Variants in WWOX observed in about 807,000 individuals in gnomAD.
The protein encoded by WWOX is WW domain-containing oxidoreductase.
A neutral mutation model predicts 46.2 loss-of-function variants in WWOX; 69 were observed. That is an observed-to-expected ratio of 1.49 (90% CI 1.23 to 1.82). The LOEUF is 1.82. WWOX is among the 40% of genes most tolerant of loss of function. The probability of loss-of-function intolerance (pLI) is 0.00; values close to 1 mark genes in which losing one functional copy is unlikely to be tolerated. For missense variants in WWOX, 919 were observed against 542.6 expected (o/e 1.69, Z -6.89); for synonymous variants, 359 against 202.6 (o/e 1.77, Z -6.56).
chr16:78,887,650 A>G (rs894221835), intron 8 of WWOX, among the ~76,000 whole-genome samples: 11 of 152,188 alleles, frequency 7.2e-5, no homozygotes, highest in Admixed American at 3.3e-4. Flanking sequence ...GATAAGATAT[A>G]TGTGGATTCC....
intron 8 of WWOX, among the ~76,000 whole-genome samples, chr16:79,019,786 T>G (rs1450841432): frequency 6.6e-6 from 1 of 152,166 alleles, no homozygotes; most frequent in Non-Finnish European, 1.5e-5. Context: ...TTGAGTTTAA[T>G]TTCTGCATCA....
At chr16:78,109,561 TCAAAA>T (rs1000523148) in intron 2 of WWOX, among the ~76,000 whole-genome samples, 13 of 152,156 alleles carry the variant, frequency 8.5e-5, no homozygotes, top group African/African-American at 2.9e-4. Flanking sequence ...TAGGTTTTCT[TCAAAA>T]CAAGAGGCAA....
At chr16:78,175,229 G>C (rs968267285) in intron 5 of WWOX, among the ~76,000 whole-genome samples, 1 of 152,008 alleles carries the variant, frequency 6.6e-6, no homozygotes, top group Non-Finnish European at 1.5e-5. Context: ...GTGTTCCTAG[G>C]GGGGTTCATC....
intron 8 of WWOX, among the ~76,000 whole-genome samples, chr16:78,603,555 G>A (rs1011008575): frequency 5.3e-5 from 8 of 152,074 alleles, no homozygotes; most frequent in East Asian, 1.9e-4. Context: ...TTAGCTGGGC[G>A]TGGTGGCAGC....
chr16:78,148,614 T>C (rs1246339168), intron 4 of WWOX, among the ~76,000 whole-genome samples: 1 of 152,086 alleles, frequency 6.6e-6, no homozygotes, highest in African/African-American at 2.4e-5. Flanking sequence ...AAGTGCCATG[T>C]TGGCTGGGCA....
chr16:78,885,315 T>G (rs1377283278), intron 8 of WWOX, among the ~76,000 whole-genome samples: 1 of 152,140 alleles, frequency 6.6e-6, no homozygotes, highest in African/African-American at 2.4e-5. Flanking sequence ...CTTATAAATA[T>G]TTGAATAACA....
At chr16:79,029,990 C>T (rs549637444) in intron 8 of WWOX, among the ~76,000 whole-genome samples, 10 of 152,050 alleles carry the variant, frequency 6.6e-5, no homozygotes, top group African/African-American at 1.9e-4. Flanking sequence ...GTAAGCCAAC[C>T]GCTATGAACT....
At chr16:78,459,217 A>T (rs1413412525) in intron 8 of WWOX, among the ~76,000 whole-genome samples, 2 of 152,218 alleles carry the variant, frequency 1.3e-5, no homozygotes, top group African/African-American at 4.8e-5. Context: ...AAGAAGCCAA[A>T]CCCAGAAAGG....
At chr16:78,543,521 G>C (rs1053152017) in intron 8 of WWOX, among the ~76,000 whole-genome samples, 1 of 152,234 alleles carries the variant, frequency 6.6e-6, no homozygotes, top group Non-Finnish European at 1.5e-5. Context: ...TTACACAGAA[G>C]TTTGGGCCCT....
intron 8 of WWOX, among the ~76,000 whole-genome samples, chr16:79,072,494 C>G (rs377276926): frequency 6.6e-6 from 1 of 152,150 alleles, no homozygotes; most frequent in Non-Finnish European, 1.5e-5. Context: ...GAGTTTATTT[C>G]TGGACAGAGA....
At chr16:79,034,224 A>G (rs2047821752) in intron 8 of WWOX, among the ~76,000 whole-genome samples, 1 of 152,234 alleles carries the variant, frequency 6.6e-6, no homozygotes, top group African/African-American at 2.4e-5. Flanking sequence ...TCTCCTAAAA[A>G]GCCTCATGCC....
intron 8 of WWOX, among the ~76,000 whole-genome samples, chr16:78,889,988 T>C (rs907839329): frequency 1.3e-5 from 2 of 151,458 alleles, no homozygotes; most frequent in African/African-American, 4.8e-5. Flanking sequence ...ATCTCTGTTT[T>C]TTTTTCTCTT....
At chr16:79,140,885 G>A (rs765323876) in intron 8 of WWOX, among the ~76,000 whole-genome samples, 4 of 152,150 alleles carry the variant, frequency 2.6e-5, no homozygotes, top group African/African-American at 7.2e-5. Flanking sequence ...CCTCTGTTCT[G>A]CATGTCTCTG....
intron 8 of WWOX, among the ~76,000 whole-genome samples, chr16:79,028,493 A>T (rs1484913685): frequency 6.6e-6 from 1 of 151,614 alleles, no homozygotes; most frequent in Non-Finnish European, 1.5e-5. Flanking sequence ...GTAGGCTGCA[A>T]ATCTATCATT....
intron 8 of WWOX, among the ~76,000 whole-genome samples, chr16:78,660,528 A>G (rs966661690): frequency 2.0e-5 from 3 of 152,114 alleles, no homozygotes; most frequent in Non-Finnish European, 2.9e-5. Context: ...AGAATTCACA[A>G]AACAACTCAG....
At chr16:78,152,838 G>A (rs780222334) in intron 4 of WWOX, among the ~76,000 whole-genome samples, 3 of 152,212 alleles carry the variant, frequency 2.0e-5, no homozygotes, top group Non-Finnish European at 2.9e-5. Flanking sequence ...GCATGCAGAT[G>A]CCGCCTGGTG....
intron 8 of WWOX, among the ~76,000 whole-genome samples, chr16:78,458,380 C>A (rs1370529240): frequency 1.3e-5 from 2 of 151,880 alleles, no homozygotes; most frequent in African/African-American, 2.4e-5. Flanking sequence ...CTGGCCTCAG[C>A]CTCCCAAGTA....
intron 8 of WWOX, among the ~76,000 whole-genome samples, chr16:78,804,696 T>C (rs910097845): frequency 7.2e-5 from 11 of 152,240 alleles, no homozygotes; most frequent in African/African-American, 1.7e-4. Context: ...CTGTTTTTTT[T>C]CTAATTTAGT....
chr16:78,857,072 T>A (rs1336893825), intron 8 of WWOX, among the ~76,000 whole-genome samples: 1 of 152,256 alleles, frequency 6.6e-6, no homozygotes, highest in Non-Finnish European at 1.5e-5. Context: ...TCTTCTGGGA[T>A]CACCATTGCA....
Sources: gnomAD v4.1 joint callset for allele counts (sites outside exome capture counted in the v4.1 genomes callset) on GRCh38, gnomAD v4.1.1 for gene constraint, MANE v1.5 for transcripts, NCBI Gene and HGNC (gene_info 2026-07-23, HGNC 2026-07-21) for gene names.